Variants in PDE9A observed in about 807,000 individuals in gnomAD.
The protein encoded by PDE9A is high affinity cGMP-specific 3',5'-cyclic phosphodiesterase 9A.
Under a neutral mutation model 87.4 loss-of-function variants are expected in PDE9A, and 60 were observed. The observed-to-expected ratio is 0.69, with a 90% CI of 0.56 to 0.85. PDE9A has a LOEUF of 0.85. PDE9A is among the 40% of genes least tolerant of loss of function. The pLI is 0.00. For synonymous variants in PDE9A, 272 were observed against 279.4 expected (o/e 0.97, Z 0.27); for missense variants, 665 against 779.0 (o/e 0.85, Z 1.74).
chr21:42,702,232 G>A lies in PDE9A; in HGVS notation c.262+3221G>A, dbSNP rs2048441438. The stretch of plus-strand genomic sequence containing the variant: ...TTCCATTGCACTGGTCTTCCCTCCT[G>A]CAGTATCTAGTCTGCTGTTAATCTC... On this transcript the variant is annotated intron_variant, in intron 4 of 19. Transcript: ENST00000291539. The surrounding 1 kb of genome is among the most constrained non-coding windows in gnomAD (Gnocchi z 4.9). 6.6e-6 allele frequency among the ~76,000 whole-genome samples: 1 copy of A among 151,486 alleles called. No individual in the cohort carries two copies. Among genetic ancestry groups the A allele is most frequent in the South Asian group, 2.1e-4 (1 of 4,786 alleles).
intron 1 of PDE9A, among the ~76,000 whole-genome samples, chr21:42,671,123 C>A (rs772710101): frequency 6.6e-6 from 1 of 151,998 alleles, no homozygotes; most frequent in African/African-American, 2.4e-5. Context: ...TGGACTAGCA[C>A]GATACCTGAG....
In PDE9A at chr21:42,732,182, C is replaced by G. The variant is rs182064373; in HGVS notation, c.497+58C>G. 7.9e-6 allele frequency: 12 copies of G among 1,512,878 alleles called. No individual in the cohort carries two copies. In the African/African-American group the frequency reaches 1.1e-4, roughly 14 times the overall value. 93.7% of individuals were successfully genotyped at this position (1,512,878 alleles called of 1,614,324 possible). On this transcript the variant is annotated intron_variant, in intron 6 of 19. Coordinates refer to ENST00000291539, the MANE Select transcript of PDE9A (RefSeq NM_002606.3). Reference sequence around the variant, plus strand: ...AGATGGGCACATCTTTCTCTAAGAGCGAGGGCAGGCCCCAGGCTCTGAGGC... The same window carrying G: ...AGATGGGCACATCTTTCTCTAAGAGGGAGGGCAGGCCCCAGGCTCTGAGGC...
rs2055341580 is a variant in PDE9A at position 42,758,710 on chromosome 21, C to T, written c.811-289C>T. 8 of 380,404 alleles carry T rather than the reference C, an allele frequency of 2.1e-5. No homozygotes were observed. In the South Asian group the frequency reaches 3.0e-4, roughly 14 times the overall value. 23.6% of individuals were successfully genotyped at this position (380,404 alleles called of 1,614,324 possible). A position where few individuals can be genotyped will look rare whatever the true frequency, so the allele number is the denominator to read the frequency against. On this transcript the variant is annotated intron_variant, in intron 10 of 19. Coordinates refer to ENST00000291539, the MANE Select transcript of PDE9A (RefSeq NM_002606.3). ...ACCCGGTCGCTGTCCTAAGAATTCTCCTTGACTTCGGAACTGGCCCTCCAC... is the reference window on the plus strand; with the variant it reads ...ACCCGGTCGCTGTCCTAAGAATTCTTCTTGACTTCGGAACTGGCCCTCCAC...
At chr21:42,765,648 C>T (rs773509765) in intron 15 of PDE9A, 154 bp downstream of exon 15, 2 of 658,474 alleles carry the variant, frequency 3.0e-6, no homozygotes, top group Non-Finnish European at 2.8e-6. Flanking sequence ...ATGACTCTTA[C>T]TAGGAAAGTC....
intron 1 of PDE9A, among the ~76,000 whole-genome samples, chr21:42,685,013 G>A (rs2059370810): frequency 6.6e-6 from 1 of 151,738 alleles, no homozygotes; most frequent in Admixed American, 6.6e-5. Flanking sequence ...GCTGGGCACC[G>A]AAAAATAACC....
rs779212933 is a variant in PDE9A at position 42,751,176 on chromosome 21, C to T, written c.714C>T (p.Arg238=). ...LDNHKKLTPR[R]DVPTYPKYLL... ...ACCACAAGAAGTTGACTCCTCGACG[C>T]GATGTTCCCACTTACCCCAAGGTAA... Residue 238 remains arginine (R), a synonymous_variant, in exon 9 of 20, where the codon CGC becomes CGT. Transcript: ENST00000291539. 6.8e-6 allele frequency: 11 copies of T among 1,611,984 alleles called. No homozygotes were observed. Among genetic ancestry groups the T allele is most frequent in the African/African-American group, 4.0e-5 (3 of 74,784 alleles).
rs367620178 is a variant in PDE9A at position 42,755,653 on chromosome 21, G to A, written c.810+1589G>A. ...AGCTCAGAAGAGACGTGTTGGAGCT[G>A]CTGGCCTGCAGCAGCTCCCAGGGTC... On this transcript the variant is annotated intron_variant, in intron 10 of 19. Transcript: ENST00000291539. Among the ~76,000 whole-genome samples, 8 of 152,336 alleles carry A rather than the reference G, an allele frequency of 5.3e-5. No homozygotes were observed. In the South Asian group the frequency reaches 1.7e-3, roughly 32 times the overall value.
chr21:42,770,346 C>T (rs2056916986), intron 17 of PDE9A, among the ~76,000 whole-genome samples: 1 of 152,204 alleles, frequency 6.6e-6, no homozygotes, highest in East Asian at 1.9e-4. Context: ...TCTAGGGCAT[C>T]TCTTGGAGCC....
chr21:42,658,665 T>A (rs1361414503), intron 1 of PDE9A, among the ~76,000 whole-genome samples: 3 of 152,192 alleles, frequency 2.0e-5, no homozygotes, highest in African/African-American at 7.2e-5. Flanking sequence ...CTCTCCAGGT[T>A]TCTCGGCTCC....
chr21:42,772,895 A>G (rs1183380007), intron 19 of PDE9A, among the ~76,000 whole-genome samples: 1 of 150,038 alleles, frequency 6.7e-6, no homozygotes, highest in Non-Finnish European at 1.5e-5. Flanking sequence ...CGGCCTCCCA[A>G]AGTGCTGGGA....
chr21:42,773,974 G>A (rs945094853), intron 19 of PDE9A, among the ~76,000 whole-genome samples: 3 of 151,518 alleles, frequency 2.0e-5, no homozygotes, highest in East Asian at 1.9e-4. Flanking sequence ...GCGTGGTGGT[G>A]GGTGCCTGTA....
chr21:42,706,891 C>A (rs563534840), intron 4 of PDE9A, among the ~76,000 whole-genome samples: 1 of 152,104 alleles, frequency 6.6e-6, no homozygotes, highest in Non-Finnish European at 1.5e-5. Flanking sequence ...ACTTTGCACA[C>A]GGTGTTGCAG....
rs1185077011 is a variant in PDE9A, at chr21:42,694,118, T to C, written c.219-4850T>C. ...CCCAGGGCCTTCCCTTGCTGAAACATGCTGGGTAAACTCTTTGTTTCTTCC... is the reference window on the plus strand; with the variant it reads ...CCCAGGGCCTTCCCTTGCTGAAACACGCTGGGTAAACTCTTTGTTTCTTCC... On this transcript the variant is annotated intron_variant, in intron 3 of 19. Transcript: ENST00000291539. The surrounding 1 kb of genome is among the most constrained non-coding windows in gnomAD (Gnocchi z 5.3). Among the ~76,000 whole-genome samples, 1 of 152,234 alleles carries C rather than the reference T, an allele frequency of 6.6e-6. No individual in the cohort carries two copies. Among genetic ancestry groups the C allele is most frequent in the Non-Finnish European group, 1.5e-5 (1 of 68,046 alleles).
intron 1 of PDE9A, among the ~76,000 whole-genome samples, chr21:42,655,302 T>G (rs988534420): frequency 6.6e-6 from 1 of 152,106 alleles, no homozygotes; most frequent in Non-Finnish European, 1.5e-5. Flanking sequence ...TTAAAGTGAG[T>G]TGTCACCAGA....
chr21:42,755,055 C>G (rs952422711), intron 10 of PDE9A, among the ~76,000 whole-genome samples: 1 of 152,208 alleles, frequency 6.6e-6, no homozygotes, highest in East Asian at 1.9e-4. Flanking sequence ...AATAGACCCC[C>G]TCTTTTCACA....
intron 7 of PDE9A, among the ~76,000 whole-genome samples, chr21:42,742,801 G>C (rs145814750): frequency 6.6e-6 from 1 of 151,964 alleles, no homozygotes; most frequent in Non-Finnish European, 1.5e-5. Context: ...TTCCTGACTG[G>C]GGCCAGAAGA....
At chr21:42,768,966 C>G (rs1471257802) in intron 16 of PDE9A, 61 bp from the exon 17 acceptor site, 1 of 1,537,958 alleles carries the variant, frequency 6.5e-7, no homozygotes, top group Non-Finnish European at 8.8e-7. Flanking sequence ...TCTCTGAGAA[C>G]AGCGATCTGG....
At chr21:42,729,306 C>A (rs896823536) in intron 4 of PDE9A, among the ~76,000 whole-genome samples, 1 of 152,062 alleles carries the variant, frequency 6.6e-6, no homozygotes, top group Non-Finnish European at 1.5e-5. Context: ...CCCGTATTAT[C>A]CTTTTGATGT....
chr21:42,706,406 AGGCTGAGGCGGGCAGATCACCTGAGG>A (rs1159737619), intron 4 of PDE9A, among the ~76,000 whole-genome samples: 3 of 152,320 alleles, frequency 2.0e-5, no homozygotes, highest in African/African-American at 7.2e-5. Flanking sequence ...GCACTCTGGG[AGGCTGAGGCGGGCAGATCACCTGAGG>A]TCAGGAGTTT....
Sources: allele counts gnomAD v4.1 joint callset (sites outside exome capture counted in the v4.1 genomes callset), GRCh38; gene constraint gnomAD v4.1.1; non-coding constraint Gnocchi (gnomAD v3.1); transcripts MANE v1.5; gene names NCBI Gene and HGNC (gene_info 2026-07-23, HGNC 2026-07-21).